NTM: variants seen among roughly 807,000 people sequenced by gnomAD.
NTM encodes IgLON family member 2.
NTM carries 13 observed loss-of-function variants against 42.1 expected under a neutral mutation model. That is an observed-to-expected ratio of 0.31 (90% CI 0.20 to 0.49). NTM has a LOEUF of 0.49. Among genes scored for constraint, NTM ranks in the 20% least tolerant of loss-of-function variants. NTM has a pLI of 0.99. For synonymous variants in NTM, 187 were observed against 179.2 expected (o/e 1.04, Z -0.35); for missense variants, 373 against 452.8 (o/e 0.82, Z 1.60).
At chr11:131,474,490 C>T (rs1952733726) in intron 1 of NTM, among the ~76,000 whole-genome samples, 1 of 152,122 alleles carries the variant, frequency 6.6e-6, no homozygotes, top group African/African-American at 2.4e-5. Flanking sequence ...ACCTGTCTGC[C>T]AAACAGAGTC....
chr11:131,552,258 T>A (rs2054778343), intron 1 of NTM, among the ~76,000 whole-genome samples: 1 of 152,134 alleles, frequency 6.6e-6, no homozygotes, highest in African/African-American at 2.4e-5. Flanking sequence ...CATGTCATGG[T>A]AAGTATCACG....
At chr11:132,122,020 A>T (rs999576285) in intron 2 of NTM, among the ~76,000 whole-genome samples, 1 of 152,180 alleles carries the variant, frequency 6.6e-6, no homozygotes, top group African/African-American at 2.4e-5. Flanking sequence ...CTCCACCTCT[A>T]TGCATGAAAC....
intron 1 of NTM, among the ~76,000 whole-genome samples, chr11:131,547,040 A>G (rs1018145028): frequency 3.3e-4 from 50 of 152,038 alleles, no homozygotes; most frequent in African/African-American, 1.2e-3. Flanking sequence ...CTCTGTGGTG[A>G]CCAGAGCAAG....
intron 2 of NTM, among the ~76,000 whole-genome samples, chr11:131,972,032 G>A (rs1486372355): frequency 4.7e-5 from 2 of 42,790 alleles, no homozygotes; most frequent in East Asian, 8.7e-4. Flanking sequence ...GACAGAGTGA[G>A]ACTCCGTCTC....
At position 131,891,694 on chromosome 11, in the gene NTM, A is replaced by G. The variant is rs1251965750; in HGVS notation, c.83-19870A>G. On this transcript the variant is annotated intron_variant, in intron 1 of 8. Coordinates refer to ENST00000683400, the MANE Select transcript of NTM (RefSeq NM_001352005.2). Reference sequence around the variant, plus strand: ...CTGGTCCTTGAGCCTGGCAGTGTCTATAAATCCCATGTATTTTTCTGTGGA... The same window carrying G: ...CTGGTCCTTGAGCCTGGCAGTGTCTGTAAATCCCATGTATTTTTCTGTGGA... Among the ~76,000 whole-genome samples, 6 of 152,276 alleles carry G rather than the reference A, an allele frequency of 3.9e-5. No homozygotes were observed. The East Asian group carries it at 1.2e-3, about 30-fold the overall frequency.
Position 131,758,748 on chromosome 11 carries a change from G to A in NTM, c.83-152816G>A, listed in dbSNP as rs536250702. Reference sequence around the variant, plus strand: ...GCTGGGATTACAGGCACACACCACCGTCCCAGCTCACTTTTGTATTTTTAG... The same window carrying A: ...GCTGGGATTACAGGCACACACCACCATCCCAGCTCACTTTTGTATTTTTAG... On this transcript the variant is annotated intron_variant, in intron 1 of 8. Coordinates refer to ENST00000683400, the MANE Select transcript of NTM (RefSeq NM_001352005.2). Among the ~76,000 whole-genome samples, 5 of 151,828 alleles carry A rather than the reference G, an allele frequency of 3.3e-5. No homozygotes were observed. In the East Asian group the frequency reaches 5.8e-4, roughly 18 times the overall value.
At chr11:131,686,031 A>T (rs2073830234) in intron 1 of NTM, among the ~76,000 whole-genome samples, 1 of 152,148 alleles carries the variant, frequency 6.6e-6, no homozygotes, top group African/African-American at 2.4e-5. Context: ...GGGAGGAGGA[A>T]CACATAAGGG....
At chr11:132,287,211 A>C (rs764669161) in intron 4 of NTM, among the ~76,000 whole-genome samples, 8 of 152,220 alleles carry the variant, frequency 5.3e-5, no homozygotes, top group African/African-American at 2.4e-5. Flanking sequence ...AAAGCTGAGT[A>C]ATTTTCTCAG....
intron 4 of NTM, among the ~76,000 whole-genome samples, chr11:132,252,049 C>T (rs1458158953): frequency 6.6e-6 from 1 of 152,178 alleles, no homozygotes; most frequent in Non-Finnish European, 1.5e-5. Flanking sequence ...GTCTTGAAAG[C>T]AGGTTTGTCC....
intron 1 of NTM, among the ~76,000 whole-genome samples, chr11:131,723,800 C>A (rs1474818408): frequency 1.3e-5 from 2 of 151,784 alleles, no homozygotes; most frequent in Non-Finnish European, 2.9e-5. Flanking sequence ...GTGTGCATTT[C>A]TGTGTGTATC....
chr11:132,103,824 G>A (rs543478816), intron 2 of NTM, among the ~76,000 whole-genome samples: 2 of 152,288 alleles, frequency 1.3e-5, no homozygotes, highest in Admixed American at 1.3e-4. Flanking sequence ...GTTAAATGAC[G>A]TGGTGCAGAT....
chr11:131,926,639 A>T (rs887585371), intron 2 of NTM, among the ~76,000 whole-genome samples: 1 of 152,212 alleles, frequency 6.6e-6, no homozygotes, highest in East Asian at 1.9e-4. Context: ...GTGAATGATG[A>T]TAGGAGCACA....
At chr11:131,815,281 A>G (rs2092906266) in intron 1 of NTM, among the ~76,000 whole-genome samples, 1 of 152,022 alleles carries the variant, frequency 6.6e-6, no homozygotes, top group African/African-American at 2.4e-5. Context: ...CTTACAAAGG[A>G]CTGCCTTCTG....
intron 2 of NTM, among the ~76,000 whole-genome samples, chr11:132,099,580 AGTGGGT>A (rs2061400907): frequency 6.6e-6 from 1 of 152,168 alleles, no homozygotes; most frequent in African/African-American, 2.4e-5. Flanking sequence ...GTAGGTTATC[AGTGGGT>A]ATTGTTCTTA....
At chr11:131,586,631 C>G (rs1356680850) in intron 1 of NTM, among the ~76,000 whole-genome samples, 1 of 152,190 alleles carries the variant, frequency 6.6e-6, no homozygotes, top group African/African-American at 2.4e-5. Flanking sequence ...CCCAGCAAAG[C>G]TCTTTCCAGA....
At chr11:131,864,669 G>A (rs1313609774) in intron 1 of NTM, among the ~76,000 whole-genome samples, 1 of 152,154 alleles carries the variant, frequency 6.6e-6, no homozygotes, top group Non-Finnish European at 1.5e-5. Context: ...GGGAATGTTC[G>A]ATTTTGGTTT....
At chr11:131,564,224 T>A (rs2056590656) in intron 1 of NTM, among the ~76,000 whole-genome samples, 1 of 152,370 alleles carries the variant, frequency 6.6e-6, no homozygotes, top group South Asian at 2.1e-4. Context: ...CTTTCTTTCA[T>A]CCTGGTGCAG....
intron 2 of NTM, among the ~76,000 whole-genome samples, chr11:131,932,920 A>C (rs1055402335): frequency 6.6e-6 from 1 of 152,222 alleles, no homozygotes; most frequent in East Asian, 1.9e-4. Context: ...CCGGTGAATA[A>C]GCCAGAAGCC....
chr11:132,082,342 A>G (rs1046468877), intron 2 of NTM, among the ~76,000 whole-genome samples: 4 of 152,184 alleles, frequency 2.6e-5, no homozygotes, highest in African/African-American at 9.7e-5. Context: ...CCCCTCACAA[A>G]TTGAATACCA....
Sources: allele counts gnomAD v4.1 joint callset (sites outside exome capture counted in the v4.1 genomes callset), GRCh38; gene constraint gnomAD v4.1.1; transcripts MANE v1.5; gene names NCBI Gene and HGNC (gene_info 2026-07-23, HGNC 2026-07-21).